Variants in EFTUD2 observed in about 807,000 individuals in gnomAD.
EFTUD2 encodes 116 kDa U5 small nuclear ribonucleoprotein component.
In EFTUD2, 9 loss-of-function variants were observed where a neutral mutation model predicts 114.3. The observed-to-expected ratio is 0.08, with a 90% CI of 0.05 to 0.14. The LOEUF (loss-of-function observed/expected upper bound fraction) is 0.14. EFTUD2 is among the 10% of genes least tolerant of loss of function. EFTUD2 has a pLI of 1.00. For synonymous variants in EFTUD2, 449 were observed against 462.3 expected, an observed-to-expected ratio of 0.97 and a Z score of 0.37; for missense variants, 765 against 1,241.2, an observed-to-expected ratio of 0.62 and a Z score of 5.76.
intron 7 of EFTUD2, 25 bp from the exon 8 acceptor site, chr17:44,880,669 G>A (rs1409270223): frequency 6.3e-7 from 1 of 1,596,414 alleles, no homozygotes; most frequent in Non-Finnish European, 8.6e-7. Flanking sequence ...GAGTGGTCAA[G>A]ACCTCTTCCT....
At position 44,864,967 on chromosome 17, in the gene EFTUD2, G is replaced by A. The variant is rs201362341; in HGVS notation, c.1248C>T (p.Leu416=). Residue 416 remains leucine (L), a synonymous_variant, in exon 14 of 28, where the codon CTC becomes CTT. Coordinates refer to ENST00000426333, the MANE Select transcript of EFTUD2 (RefSeq NM_004247.4). ...CAAAGAACTTTTTGCAGACCAGCCT[G>A]AGCAAGGGGCGGATGTTCAGCTTCA... ...EELKLNIRPL[L]RLVCKKFFGE... is the part of the protein sequence containing the mutation. The A allele has an allele frequency of 1.1e-5, 17 of 1,614,186 alleles. No homozygotes were observed. In the East Asian group the frequency reaches 3.8e-4, roughly 36 times the overall value.
At chr17:44,894,601 T>TCTTA (rs2051343646) in intron 1 of EFTUD2, 76 bp from the exon 2 acceptor site, 3 of 1,112,740 alleles carry the variant, frequency 2.7e-6, no homozygotes, top group Non-Finnish European at 4.1e-6. Flanking sequence ...ACCTGTCTAG[T>TCTTA]CTTAGTCTTA....
At chr17:44,864,784 A>C (rs903507296) in intron 14 of EFTUD2, 146 bp downstream of exon 14, 2 of 1,246,538 alleles carry the variant, frequency 1.6e-6, no homozygotes, top group Admixed American at 2.4e-5. Context: ...GCTAGGAAAA[A>C]CACCAGTGTT....
chr17:44,880,748 T>C, intron 7 of EFTUD2, 104 bp from the exon 8 acceptor site: 1 of 801,114 alleles, frequency 1.2e-6, no homozygotes, highest in Non-Finnish European at 2.1e-6. Flanking sequence ...TGCCTCTCCT[T>C]ATAGTGGGTG....
At chr17:44,883,217 T>TC in intron 5 of EFTUD2, 59 bp from the exon 6 acceptor site, 1 of 1,501,836 alleles carries the variant, frequency 6.7e-7, no homozygotes, top group Non-Finnish European at 9.2e-7. Context: ...ACTGTGCCCT[T>TC]CCCCCAGCTC....
Position 44,854,273 on chromosome 17 carries a change from A to G in EFTUD2, c.2343T>C (p.Asp781=), listed in dbSNP as rs771844873. The change falls in exon 23 of 28, where the codon GAT becomes GAC. Residue 781 remains aspartate (D), a synonymous_variant. Coordinates refer to ENST00000426333, the MANE Select transcript of EFTUD2 (RefSeq NM_004247.4). The surrounding 1 kb of genome is among the most constrained non-coding windows in gnomAD (Gnocchi z 4.3). ...GGGGAGTGCTGGTGGACTTACATTCATCACAGAGGGGGCCCTCCCTGGTTC... is the reference window on the plus strand; with the variant it reads ...GGGGAGTGCTGGTGGACTTACATTCGTCACAGAGGGGGCCCTCCCTGGTTC... ...QWGTREGPLC[D]ELIRNVKFKI... The G allele has an allele frequency of 1.2e-6, 2 of 1,612,806 alleles. No homozygotes were observed. Among genetic ancestry groups the G allele is most frequent in the Non-Finnish European group, 1.7e-6 (2 of 1,179,448 alleles).
chr17:44,886,866 A>C, intron 2 of EFTUD2, 116 bp from the exon 3 acceptor site: 1 of 1,479,270 alleles, frequency 6.8e-7, no homozygotes, highest in Non-Finnish European at 9.0e-7. Context: ...TCTTATTCTG[A>C]GTTCTATGCC....
intron 16 of EFTUD2, among the ~76,000 whole-genome samples, chr17:44,860,958 G>A (rs957502994): frequency 4.6e-5 from 7 of 152,120 alleles, no homozygotes; most frequent in African/African-American, 1.7e-4. Flanking sequence ...GAGCAAAACA[G>A]ATACATTCTA....
intron 6 of EFTUD2, among the ~76,000 whole-genome samples, chr17:44,882,070 G>A (rs1467914172): frequency 6.6e-6 from 1 of 152,154 alleles, no homozygotes. Context: ...AAGTAGCAGG[G>A]ATTGCAGACG....
rs561059442 is a variant in EFTUD2 at position 44,859,575 on chromosome 17, A to G, written c.1860+330T>C. The G allele has an allele frequency of 1.5e-4, 78 of 505,972 alleles. 1 individual carries two copies. In the South Asian group the frequency reaches 1.8e-3, roughly 11 times the overall value. The allele number at this position is 505,972 out of a possible 1,614,324, so 31.3% of individuals were successfully genotyped here. ...TTTCCTTCTCTTCTCGAGAAAATCAATTCAAAGTATACTCATTAAGAAATG... is the reference window on the plus strand; with the variant it reads ...TTTCCTTCTCTTCTCGAGAAAATCAGTTCAAAGTATACTCATTAAGAAATG... On this transcript the variant is annotated intron_variant, in intron 18 of 27. Transcript: ENST00000426333.
chr17:44,876,070 G>A lies in EFTUD2; in HGVS notation c.733C>T (p.His245Tyr). ...VMLNTERLIKHAVQERLAVTV... is the reference protein window; with the variant it reads ...VMLNTERLIKYAVQERLAVTV... ...ACTGCCAGCCTCTCCTGCACCGCAT[G>A]CTTGATCAGCCGCTCTGTGTTCAGC... The change falls in exon 10 of 28, where the codon CAT (histidine) becomes TAT (tyrosine). Residue 245 changes from histidine to tyrosine, a missense_variant. Coordinates refer to ENST00000426333, the MANE Select transcript of EFTUD2 (RefSeq NM_004247.4). 5 of 1,613,906 alleles carry A rather than the reference G, an allele frequency of 3.1e-6. No individual in the cohort carries two copies. The highest frequency in any genetic ancestry group is 4.2e-6 in the Non-Finnish European group (5 of 1,179,908).
chr17:44,868,544 A>G, intron 11 of EFTUD2, 194 bp from the exon 12 acceptor site: 1 of 556,940 alleles, frequency 1.8e-6, no homozygotes, highest in Non-Finnish European at 3.2e-6. Flanking sequence ...CAAAGTTGAC[A>G]AGGCTGTGCT....
intron 13 of EFTUD2, among the ~76,000 whole-genome samples, chr17:44,866,030 G>C (rs963661458): frequency 1.3e-5 from 2 of 152,152 alleles, no homozygotes; most frequent in African/African-American, 2.4e-5. Context: ...AGCTGGTCTT[G>C]AACTCCTGAT....
At chr17:44,857,903 C>A (rs1262889091) in intron 19 of EFTUD2, among the ~76,000 whole-genome samples, 1 of 148,366 alleles carries the variant, frequency 6.7e-6, no homozygotes, top group Non-Finnish European at 1.5e-5. Flanking sequence ...GGCTTGGGAG[C>A]CTTTATTTTC....
In EFTUD2 at chr17:44,880,663, G is replaced by C. The variant is rs376467376; in HGVS notation, c.529-19C>G. Reference sequence around the variant, plus strand: ...CACCTCTCTGAAAGGAACAAAGAGTGGTCAAGACCTCTTCCTATGCAAGAG... The same window carrying C: ...CACCTCTCTGAAAGGAACAAAGAGTCGTCAAGACCTCTTCCTATGCAAGAG... On this transcript the variant is annotated intron_variant, in intron 7 of 27. Coordinates refer to ENST00000426333, the MANE Select transcript of EFTUD2 (RefSeq NM_004247.4). 1.1e-5 allele frequency: 17 copies of C among 1,603,908 alleles called. No individual in the cohort carries two copies. In the African/African-American group the frequency reaches 2.0e-4, roughly 19 times the overall value.
intron 4 of EFTUD2, 68 bp from the exon 5 acceptor site, chr17:44,883,792 G>T: frequency 1.3e-6 from 2 of 1,515,922 alleles, no homozygotes; most frequent in Non-Finnish European, 1.8e-6. Context: ...TGGTGTAAAG[G>T]TGTTTCAGGT....
chr17:44,891,354 C>T lies in EFTUD2; in HGVS notation c.105+3063G>A, dbSNP rs145522439. Among the ~76,000 whole-genome samples, 186 of 152,276 alleles carry T rather than the reference C, an allele frequency of 1.2e-3. 2 individuals carry two copies. The highest frequency in any genetic ancestry group is 4.4e-3 in the African/African-American group (183 of 41,556). On this transcript the variant is annotated intron_variant, in intron 2 of 27. Coordinates refer to ENST00000426333, the MANE Select transcript of EFTUD2 (RefSeq NM_004247.4). The stretch of plus-strand genomic sequence containing the variant: ...AGTATGAGTGACTCAACTGTTTGTA[C>T]TGAGGTAAAAACCTTCATAGGGTCT...
chr17:44,862,617 G>T, intron 16 of EFTUD2, 96 bp downstream of exon 16: 1 of 1,228,992 alleles, frequency 8.1e-7, no homozygotes, highest in Non-Finnish European at 1.1e-6. Context: ...ACAGAGCCTT[G>T]CAACTACTTC....
chr17:44,881,857 C>T, intron 6 of EFTUD2, 135 bp from the exon 7 acceptor site: 1 of 770,934 alleles, frequency 1.3e-6, no homozygotes, highest in Non-Finnish European at 2.2e-6. Flanking sequence ...AGCAGGGTGT[C>T]CCCACAGCAA....
Sources: gnomAD v4.1 joint callset for allele counts (sites outside exome capture counted in the v4.1 genomes callset) on GRCh38, gnomAD v4.1.1 for gene constraint, Gnocchi (gnomAD v3.1) non-coding constraint, MANE v1.5 for transcripts, NCBI Gene and HGNC (gene_info 2026-07-23, HGNC 2026-07-21) for gene names.